NETO1: variants seen among roughly 807,000 people sequenced by gnomAD.
NETO1 encodes neuropilin and tolloid-like protein 1.
In NETO1, 26 loss-of-function variants were observed where a neutral mutation model predicts 61.3. The observed-to-expected ratio is 0.42, with a 90% CI of 0.31 to 0.59. The LOEUF is 0.59. Ranked by LOEUF, NETO1 falls within the 20% of genes least tolerant of loss-of-function variation. The pLI, the probability that NETO1 is intolerant of heterozygous loss-of-function variation, is 0.12. For missense variants in NETO1, 531 were observed against 662.8 expected (o/e 0.80, Z 2.18); for synonymous variants, 225 against 225.8 (o/e 1.00, Z 0.03).
At chr18:72,847,236 C>T (rs1191329674) in intron 4 of NETO1, among the ~76,000 whole-genome samples, 2 of 152,130 alleles carry the variant, frequency 1.3e-5, no homozygotes, top group Non-Finnish European at 1.5e-5. Flanking sequence ...GGGCACATGC[C>T]CTGCTGATTG....
At position 72,746,822 on chromosome 18, in the gene NETO1, A is replaced by T. The variant is rs1273943217; in HGVS notation, c.*1357T>A. Among the ~76,000 whole-genome samples the T allele has an allele frequency of 1.3e-5, 2 of 151,990 alleles. No homozygotes were observed. The highest frequency in any genetic ancestry group is 4.8e-5 in the African/African-American group (2 of 41,424). Reference sequence around the variant, plus strand: ...ATTTATTTTGTAAGATTACACATTGAATATTTTAAAAAATAACCACTCACC... The same window carrying T: ...ATTTATTTTGTAAGATTACACATTGTATATTTTAAAAAATAACCACTCACC... On this transcript the variant is annotated 3_prime_UTR_variant, in exon 11 of 11. Transcript: ENST00000327305.
At position 72,750,201 on chromosome 18, in the gene NETO1, G is replaced by T. The variant is rs1391229627; in HGVS notation, c.1402C>A (p.Pro468Thr). Residue 468 changes from proline to threonine, a missense_variant, in exon 9 of 11, where the codon CCA (proline) becomes ACA (threonine). By Grantham distance (38) the Pro-to-Thr change is conservative. Coordinates refer to ENST00000327305, the MANE Select transcript of NETO1 (RefSeq NM_138966.5). The stretch of plus-strand genomic sequence containing the variant: ...AGGATATTTCTTCTGTTCATGGGTG[G>T]GATGAGGGGTTTTCCTGGCTGTGTG... ...MPTQPGKPLI[P>T]PMNRRNILVM... 1 of 1,614,074 alleles carries T rather than the reference G, an allele frequency of 6.2e-7. No homozygotes were observed. The highest frequency in any genetic ancestry group is 1.3e-5 in the African/African-American group (1 of 75,024).
chr18:72,846,218 G>GATGCGGCC lies in NETO1; in HGVS notation c.469+12600_469+12607dup, dbSNP rs367957939. On this transcript the variant is annotated intron_variant, in intron 4 of 10. Coordinates refer to ENST00000327305, the MANE Select transcript of NETO1 (RefSeq NM_138966.5). ...CAGCCTAGGAGTTGTCAATAAAAGA[G>GATGCGGCC]ATGCGGCCAGGCGCTGTGGCTCACA... Among the ~76,000 whole-genome samples the GATGCGGCC allele has an allele frequency of 3.9e-3, 587 of 151,660 alleles. 1 individual carries two copies. The highest frequency in any genetic ancestry group is 0.012 in the African/African-American group (501 of 41,338).
intron 4 of NETO1, 26 bp downstream of exon 4, chr18:72,858,800 A>C (rs2074481818): frequency 1.3e-6 from 2 of 1,567,684 alleles, no homozygotes; most frequent in South Asian, 1.2e-5. Flanking sequence ...AAGAAAAAGA[A>C]ATTTTTTTTT....
At chr18:72,763,613 T>C (rs1340411486) in intron 7 of NETO1, among the ~76,000 whole-genome samples, 2 of 147,524 alleles carry the variant, frequency 1.4e-5, no homozygotes, top group Non-Finnish European at 1.5e-5. Context: ...ACACACACCA[T>C]TCACACACAC....
At chr18:72,816,089 C>A (rs1027155050) in intron 4 of NETO1, among the ~76,000 whole-genome samples, 1 of 151,920 alleles carries the variant, frequency 6.6e-6, no homozygotes, top group South Asian at 2.1e-4. Flanking sequence ...CCCCTTCTCT[C>A]CCCCTCTCCT....
At chr18:72,772,785 CTATA>C (rs2071400096) in intron 7 of NETO1, among the ~76,000 whole-genome samples, 1 of 91,044 alleles carries the variant, frequency 1.1e-5, no homozygotes. Context: ...ATACAGATCT[CTATA>C]TAGTTCTCTC....
intron 3 of NETO1, among the ~76,000 whole-genome samples, chr18:72,862,810 C>T (rs1270588446): frequency 2.6e-5 from 4 of 151,804 alleles, no homozygotes; most frequent in Non-Finnish European, 5.9e-5. Context: ...TTAGTAGAAA[C>T]GGGGTTTCAA....
intron 7 of NETO1, among the ~76,000 whole-genome samples, chr18:72,770,533 G>A (rs2071320131): frequency 6.6e-6 from 1 of 151,912 alleles, no homozygotes; most frequent in Admixed American, 6.6e-5. Flanking sequence ...TGCACCATCT[G>A]GTATTTATGC....
intron 4 of NETO1, among the ~76,000 whole-genome samples, chr18:72,837,766 G>A (rs1160831467): frequency 1.3e-5 from 2 of 152,074 alleles, no homozygotes; most frequent in South Asian, 2.1e-4. Flanking sequence ...AGCTTGGGGG[G>A]ATCCTATAGA....
At chr18:72,816,955 G>C (rs535814587) in intron 4 of NETO1, among the ~76,000 whole-genome samples, 15 of 152,286 alleles carry the variant, frequency 9.8e-5, no homozygotes, top group Middle Eastern at 3.4e-3. Context: ...GTCTTCGAAG[G>C]GGGTGAGTGC....
At chr18:72,743,437 C>G (rs1653517439), downstream of NETO1, among the ~76,000 whole-genome samples, 1 of 152,176 alleles carries the variant, frequency 6.6e-6, no homozygotes, top group African/African-American at 2.4e-5. Context: ...TATAAAGCAT[C>G]ATGTCTATTG....
chr18:72,854,937 C>T (rs2074370342), intron 4 of NETO1, among the ~76,000 whole-genome samples: 1 of 152,088 alleles, frequency 6.6e-6, no homozygotes, highest in Non-Finnish European at 1.5e-5. Flanking sequence ...TCTGAGGTAA[C>T]CGTTATTGTT....
intron 4 of NETO1, among the ~76,000 whole-genome samples, chr18:72,841,447 T>C (rs1273739073): frequency 3.3e-5 from 5 of 151,868 alleles, no homozygotes; most frequent in African/African-American, 1.2e-4. Context: ...AGAAAGGCCA[T>C]TTTGGCCGGG....
chr18:72,784,855 A>G (rs2145234986), intron 6 of NETO1, among the ~76,000 whole-genome samples: 1 of 152,368 alleles, frequency 6.6e-6, no homozygotes, highest in Middle Eastern at 3.4e-3. Flanking sequence ...TTGTCCTGTG[A>G]TTGTTGCAGA....
chr18:72,843,522 C>T (rs9963732), intron 4 of NETO1, among the ~76,000 whole-genome samples: 2 of 151,756 alleles, frequency 1.3e-5, no homozygotes, highest in Admixed American at 6.6e-5. Context: ...AAAGTTATAC[C>T]GGAAAAAAAA....
intron 4 of NETO1, among the ~76,000 whole-genome samples, chr18:72,825,489 A>G (rs1002311715): frequency 3.3e-5 from 5 of 151,698 alleles, no homozygotes; most frequent in Admixed American, 6.6e-5. Context: ...TCAAAATACC[A>G]TATTTTCCAT....
intron 4 of NETO1, among the ~76,000 whole-genome samples, chr18:72,804,302 C>T (rs1237060479): frequency 6.6e-6 from 1 of 152,106 alleles, no homozygotes; most frequent in African/African-American, 2.4e-5. Context: ...TCATGGGTAC[C>T]TTCTTCTAAA....
chr18:72,839,003 C>G (rs1212723587), intron 4 of NETO1, among the ~76,000 whole-genome samples: 1 of 152,148 alleles, frequency 6.6e-6, no homozygotes, highest in African/African-American at 2.4e-5. Context: ...CATAAATGAT[C>G]TAAAAAGATT....
Sources: gnomAD v4.1 joint callset for allele counts (sites outside exome capture counted in the v4.1 genomes callset) on GRCh38, gnomAD v4.1.1 for gene constraint, MANE v1.5 for transcripts, NCBI Gene and HGNC (gene_info 2026-07-23, HGNC 2026-07-21) for gene names.